The following SPTBN4 variants were observed in gnomAD, a reference collection of about 807,000 sequenced individuals.
SPTBN4 encodes spectrin beta chain, non-erythrocytic 4.
SPTBN4 carries 96 observed loss-of-function variants against 277.8 expected under a neutral mutation model. That is an observed-to-expected ratio of 0.35 (90% CI 0.29 to 0.41). The LOEUF (loss-of-function observed/expected upper bound fraction) is 0.41, where lower values mean the gene tolerates loss of function less well. Ranked by LOEUF, SPTBN4 falls within the 10% of genes least tolerant of loss-of-function variation. The probability of loss-of-function intolerance (pLI) is 1.00; values close to 1 mark genes in which losing one functional copy is unlikely to be tolerated. For synonymous variants in SPTBN4, 1,481 were observed against 1,580.3 expected (o/e 0.94, Z 1.49); for missense variants, 3,006 against 3,595.7 (o/e 0.84, Z 4.19).
At chr19:40,496,897 A>G (rs2080203300) in intron 6 of SPTBN4, among the ~76,000 whole-genome samples, 1 of 151,144 alleles carries the variant, frequency 6.6e-6, no homozygotes, top group Non-Finnish European at 1.5e-5. Context: ...ACATGGTGAA[A>G]CCCCGTCTCT....
At chr19:40,472,518 G>T in intron 1 of SPTBN4, 89 bp from the exon 2 acceptor site, 1 of 1,208,178 alleles carries the variant, frequency 8.3e-7, no homozygotes, top group South Asian at 1.6e-5. Flanking sequence ...CAGAGAAATT[G>T]AGGACAAGAG....
chr19:40,546,860 A>G (rs1471915191), intron 20 of SPTBN4, among the ~76,000 whole-genome samples: 1 of 152,110 alleles, frequency 6.6e-6, no homozygotes, highest in African/African-American at 2.4e-5. Flanking sequence ...ACACACACAC[A>G]CAAATCAAGA....
At chr19:40,530,452 GC>G in intron 18 of SPTBN4, 1 of 965,528 alleles carries the variant, frequency 1.0e-6, no homozygotes, top group Middle Eastern at 5.3e-4. Context: ...GCGCGCGGCC[GC>G]CGCGCGGGGG....
intron 6 of SPTBN4, among the ~76,000 whole-genome samples, chr19:40,496,782 A>G (rs2080201827): frequency 2.6e-5 from 4 of 151,962 alleles, no homozygotes; most frequent in African/African-American, 7.2e-5. Flanking sequence ...TCAGAGGTAC[A>G]TGTGTCCTGG....
chr19:40,554,382 T>G lies in SPTBN4; in HGVS notation c.4910T>G (p.Leu1637Arg). The G allele has an allele frequency of 6.3e-7, 1 of 1,589,404 alleles. No individual in the cohort carries two copies. The highest frequency in any genetic ancestry group is 1.1e-5 in the South Asian group (1 of 88,260). Residue 1637 changes from leucine to arginine, a missense_variant, in exon 23 of 36, where the codon CTG becomes CGG. By Grantham distance (102) the Leu-to-Arg change is moderately radical (BLOSUM62 -2). Transcript: ENST00000598249. This position sits in a 1 kb window ranked among gnomAD's most constrained non-coding sequence, Gnocchi z 5.7. ...GACGTGGCTGAGGTGGAGGCGTGGC[T>G]GGGCGAGCAGGAGCTGCTCATGATG... ...YFDVAEVEAW[L>R]GEQELLMMSE... is the part of the protein sequence containing the mutation.
At position 40,490,148 on chromosome 19, in the gene SPTBN4, A is replaced by T; in HGVS notation, c.395A>T (p.Glu132Val). ...NVDKALQFLK[E>V]QRVHLENVGS... is the part of the protein sequence containing the mutation. Reference sequence around the variant, plus strand: ...GACAAGGCGCTGCAGTTTCTGAAGGAGCAGCGCGTGCACCTGGAGAACGTG... The same window carrying T: ...GACAAGGCGCTGCAGTTTCTGAAGGTGCAGCGCGTGCACCTGGAGAACGTG... Residue 132 changes from glutamate to valine, a missense_variant, in exon 4 of 36, where the codon GAG (glutamate) becomes GTG (valine). Glu to Val is a moderately radical substitution (Grantham distance 121). Coordinates refer to ENST00000598249, the MANE Select transcript of SPTBN4 (RefSeq NM_020971.3). The surrounding 1 kb of genome is among the most constrained non-coding windows in gnomAD (Gnocchi z 4.3). 6.2e-7 allele frequency: 1 copy of T among 1,614,176 alleles called. No individual in the cohort carries two copies. The highest frequency in any genetic ancestry group is 8.5e-7 in the Non-Finnish European group (1 of 1,180,018).
chr19:40,512,397 C>T (rs1171368865), intron 13 of SPTBN4, among the ~76,000 whole-genome samples: 1 of 152,178 alleles, frequency 6.6e-6, no homozygotes, highest in African/African-American at 2.4e-5. Flanking sequence ...GTAGTCAGGG[C>T]TAGGATGGGG....
Position 40,549,304 on chromosome 19 carries a change from C to T in SPTBN4, c.4475C>T (p.Ala1492Val), listed in dbSNP as rs1370069575. ...GAGCTGGTGGGTGAGCGGCAGAACG[C>T]GGTGGGCGAGCGCCTGGTGCGCCTG... ...SKELVGERQN[A>V]VGERLVRLLE... The change falls in exon 21 of 36, where the codon GCG (alanine) becomes GTG (valine). Residue 1492 changes from alanine to valine, a missense_variant. Around this residue, in one of 5 missense-constraint regions of SPTBN4, gnomAD observed 1,759 missense variants for 2,061.5 expected, o/e 0.85. Coordinates refer to ENST00000598249, the MANE Select transcript of SPTBN4 (RefSeq NM_020971.3). 6.5e-7 allele frequency: 1 copy of T among 1,541,274 alleles called. No homozygotes were observed.
At chr19:40,500,335 G>A (rs1306658798) in intron 7 of SPTBN4, among the ~76,000 whole-genome samples, 2 of 152,330 alleles carry the variant, frequency 1.3e-5, no homozygotes, top group Middle Eastern at 3.4e-3. Context: ...GGGAAACTGA[G>A]GCTTAGAGAA....
chr19:40,545,993 T>A (rs1395798668), intron 20 of SPTBN4, among the ~76,000 whole-genome samples: 1 of 142,902 alleles, frequency 7.0e-6, no homozygotes, highest in East Asian at 2.0e-4. Flanking sequence ...GAGCTTGCAG[T>A]GAGCCAAGAT....
chr19:40,537,430 A>C (rs2080751099), intron 20 of SPTBN4, among the ~76,000 whole-genome samples: 1 of 152,196 alleles, frequency 6.6e-6, no homozygotes, highest in Non-Finnish European at 1.5e-5. Flanking sequence ...CATGCTGGAG[A>C]GAGAATGAGA....
chr19:40,531,900 G>C (rs1327301388), intron 18 of SPTBN4, among the ~76,000 whole-genome samples: 1 of 151,996 alleles, frequency 6.6e-6, no homozygotes, highest in Non-Finnish European at 1.5e-5. Flanking sequence ...GCTGGGGTTG[G>C]CTTTGGTTGA....
At position 40,575,414 on chromosome 19, in the gene SPTBN4, G is replaced by A. The variant is rs773790808; in HGVS notation, c.7540G>A (p.Glu2514Lys). ...EFLLQAKDEE[E>K]MNGWLEAVAS... ...TGTGCCCTGTTTCTTCCCCCAGGAGGAGATGAACGGCTGGCTGGAGGCTGT... is the reference window on the plus strand; with the variant it reads ...TGTGCCCTGTTTCTTCCCCCAGGAGAAGATGAACGGCTGGCTGGAGGCTGT... Residue 2514 changes from glutamate (E) to lysine (K), a missense_variant, in exon 36 of 36, where the codon GAG (glutamate) becomes AAG (lysine). Around this residue, in one of 5 missense-constraint regions of SPTBN4, gnomAD observed 630 missense variants for 677.6 expected, o/e 0.93. Coordinates refer to ENST00000598249, the MANE Select transcript of SPTBN4 (RefSeq NM_020971.3). 1.2e-5 allele frequency: 19 copies of A among 1,613,204 alleles called. No individual in the cohort carries two copies. In the East Asian group the frequency reaches 4.2e-4, roughly 36 times the overall value.
intron 1 of SPTBN4, among the ~76,000 whole-genome samples, chr19:40,468,992 A>G (rs1444194767): frequency 2.0e-5 from 3 of 152,118 alleles, no homozygotes; most frequent in Non-Finnish European, 4.4e-5. Flanking sequence ...CCATCTACTC[A>G]GGAGGCTGAG....
chr19:40,561,564 G>A (rs2081042777), intron 27 of SPTBN4, among the ~76,000 whole-genome samples: 1 of 152,256 alleles, frequency 6.6e-6, no homozygotes, highest in East Asian at 1.9e-4. Context: ...GCTCACGCCT[G>A]TAATCCCAGC....
At position 40,473,419 on chromosome 19, in the gene SPTBN4, G is replaced by A. The variant is rs372807647; in HGVS notation, c.169+629G>A. ...GTTGCCCAGGCTGGAGTGCAGTGGC[G>A]CGATCTCGGCTCACCGCAACCTCCA... On this transcript the variant is annotated intron_variant, in intron 2 of 35. Coordinates refer to ENST00000598249, the MANE Select transcript of SPTBN4 (RefSeq NM_020971.3). Among the ~76,000 whole-genome samples, 99 of 141,942 alleles carry A rather than the reference G, an allele frequency of 7.0e-4. No individual in the cohort carries two copies. In the Middle Eastern group the frequency reaches 0.012, roughly 17 times the overall value. 93.1% of individuals were successfully genotyped at this position (141,942 alleles called of 152,430 possible).
intron 7 of SPTBN4, among the ~76,000 whole-genome samples, chr19:40,501,093 C>A (rs984895279): frequency 2.0e-5 from 3 of 152,060 alleles, no homozygotes; most frequent in Admixed American, 2.0e-4. Flanking sequence ...TTGAGTTGAG[C>A]CAGGCATGGT....
Position 40,519,486 on chromosome 19 carries a change from G to T in SPTBN4, c.2989G>T (p.Ala997Ser), listed in dbSNP as rs758419088. The change falls in exon 16 of 36, where the codon GCC becomes TCC. Residue 997 changes from alanine (A) to serine (S), a missense_variant. Physicochemically the swap from Ala to Ser is moderately conservative, Grantham distance 99. Transcript: ENST00000598249. This position sits in a 1 kb window ranked among gnomAD's most constrained non-coding sequence, Gnocchi z 5.7. ...GGTGGAGAACCACGTGCTGGAGGTG[G>T]CCGAGGTGCGCGCCCAGGTGCGTGA... ...LLVENHVLEV[A>S]EVRAQVREKR... The T allele has an allele frequency of 6.2e-7, 1 of 1,609,062 alleles. No individual in the cohort carries two copies. The highest frequency in any genetic ancestry group is 1.1e-5 in the South Asian group (1 of 90,468).
intron 13 of SPTBN4, among the ~76,000 whole-genome samples, chr19:40,507,907 G>A (rs1248052782): frequency 6.6e-6 from 1 of 152,202 alleles, no homozygotes; most frequent in Non-Finnish European, 1.5e-5. Context: ...TGTCACTGTT[G>A]AGCAGTCCTG....
Sources: gnomAD v4.1 joint callset for allele counts (sites outside exome capture counted in the v4.1 genomes callset) on GRCh38, gnomAD v4.1.1 for gene constraint, gnomAD v4.1.1 regional missense constraint, Gnocchi (gnomAD v3.1) non-coding constraint, MANE v1.5 for transcripts, NCBI Gene and HGNC (gene_info 2026-07-23, HGNC 2026-07-21) for gene names.